The following COL4A3 variants were observed in gnomAD, a reference collection of about 807,000 sequenced individuals.
The protein encoded by COL4A3 is collagen alpha-3(IV) chain.
Under a neutral mutation model 217.4 loss-of-function variants are expected in COL4A3, and 135 were observed. That is an observed-to-expected ratio of 0.62 (90% CI 0.54 to 0.72). The LOEUF is 0.72. Ranked by LOEUF, COL4A3 falls within the 30% of genes least tolerant of loss-of-function variation. COL4A3 has a pLI of 0.00. For missense variants in COL4A3, 1,868 were observed against 2,119.9 expected, an observed-to-expected ratio of 0.88 and a Z score of 2.33; for synonymous variants, 690 against 736.3, an observed-to-expected ratio of 0.94 and a Z score of 1.02.
chr2:227,172,507 C>CCTT (rs112442217), intron 1 of COL4A3, among the ~76,000 whole-genome samples: 7,349 of 151,002 alleles, frequency 0.049, 221 homozygotes, highest in Admixed American at 0.085. Flanking sequence ...TTCTCCTTCT[C>CCTT]CTTCTTCTTC....
chr2:227,224,988 T>C (rs894535005), intron 1 of COL4A3, among the ~76,000 whole-genome samples: 3 of 152,182 alleles, frequency 2.0e-5, no homozygotes, highest in African/African-American at 4.8e-5. Flanking sequence ...TACAGCTCAC[T>C]GTGGCCTCAA....
rs2069424494 is a variant in COL4A3, at chr2:227,247,538, A to T, written c.442-20A>T. 1 of 1,613,606 alleles carries T rather than the reference A, an allele frequency of 6.2e-7. No individual in the cohort carries two copies. Among genetic ancestry groups the T allele is most frequent in the South Asian group, 1.1e-5 (1 of 91,082 alleles). ...GCGTTTGATATTCCTCTAGTTGTTC[A>T]TAGGTTGCTTTTTTCCTAGGGTGCT... On this transcript the variant is annotated intron_variant, in intron 7 of 51. Transcript: ENST00000396578.
chr2:227,304,926 G>T, intron 46 of COL4A3, 59 bp from the exon 47 acceptor site: 1 of 1,391,792 alleles, frequency 7.2e-7, no homozygotes, highest in South Asian at 1.2e-5. Context: ...CGGGATGGTT[G>T]GCCACCTTAC....
chr2:227,169,119 C>A (rs2065385586), intron 1 of COL4A3: 1 of 150,510 alleles, frequency 6.6e-6, no homozygotes, highest in African/African-American at 2.5e-5. Context: ...CAGTTCCCAC[C>A]TATGAGTGAG....
chr2:227,241,233 G>A (rs2069000430), intron 3 of COL4A3, among the ~76,000 whole-genome samples: 1 of 152,148 alleles, frequency 6.6e-6, no homozygotes, highest in Admixed American at 6.5e-5. Flanking sequence ...GTGGACATTA[G>A]CTAGACTTAA....
chr2:227,302,110 C>T (rs1484604530), intron 43 of COL4A3: 1 of 152,260 alleles, frequency 6.6e-6, no homozygotes, highest in Non-Finnish European at 1.5e-5. Context: ...TATGGCTTTG[C>T]TTGAGCATCT....
intron 8 of COL4A3, among the ~76,000 whole-genome samples, 163 bp downstream of exon 8, chr2:227,247,747 A>G (rs2069437786): frequency 6.6e-6 from 1 of 152,152 alleles, no homozygotes; most frequent in South Asian, 2.1e-4. Context: ...TATTCCTATT[A>G]AATAGCTCCT....
intron 46 of COL4A3, chr2:227,304,396 T>C: frequency 4.1e-6 from 2 of 482,674 alleles, no homozygotes; most frequent in South Asian, 2.2e-5. Flanking sequence ...TTTTTTATTA[T>C]TTTTTATTAA....
intron 1 of COL4A3, among the ~76,000 whole-genome samples, chr2:227,217,455 A>T (rs1181262629): frequency 6.6e-6 from 1 of 152,206 alleles, no homozygotes; most frequent in Non-Finnish European, 1.5e-5. Flanking sequence ...TAACAAAGAC[A>T]TATTTTAGCC....
intron 1 of COL4A3, among the ~76,000 whole-genome samples, chr2:227,202,485 C>G (rs903477222): frequency 2.6e-5 from 4 of 151,898 alleles, no homozygotes; most frequent in Non-Finnish European, 4.4e-5. Flanking sequence ...TGGCTCTCTC[C>G]TGTAATCCCA....
At chr2:227,194,757 A>G (rs1437279230) in intron 1 of COL4A3, among the ~76,000 whole-genome samples, 1 of 152,248 alleles carries the variant, frequency 6.6e-6, no homozygotes, top group African/African-American at 2.4e-5. Context: ...AATGCTGTAA[A>G]TTCATAAATA....
At chr2:227,280,029 T>A (rs1574775080) in intron 29 of COL4A3, 139 bp downstream of exon 29, 1 of 640,202 alleles carries the variant, frequency 1.6e-6, no homozygotes, top group Non-Finnish European at 2.7e-6. Context: ...TTAAATTTTT[T>A]AAATGTTTCT....
intron 19 of COL4A3, 94 bp from the exon 20 acceptor site, chr2:227,260,988 T>C: frequency 1.0e-6 from 1 of 984,394 alleles, no homozygotes; most frequent in South Asian, 1.3e-5. Flanking sequence ...CTCTGTATTA[T>C]TAACTATCAG....
chr2:227,306,655 G>T (rs1553765894), intron 47 of COL4A3, among the ~76,000 whole-genome samples: 1 of 151,978 alleles, frequency 6.6e-6, no homozygotes, highest in Non-Finnish European at 1.5e-5. Context: ...AGAGAAAATT[G>T]AAAAAATGCA....
At chr2:227,268,432 C>T (rs551248384) in intron 23 of COL4A3, 2 of 152,408 alleles carry the variant, frequency 1.3e-5, no homozygotes, top group South Asian at 4.1e-4. Flanking sequence ...ATCCAAAGGT[C>T]TACCTGACAA....
chr2:227,256,123 T>C (rs1004874219), intron 16 of COL4A3, 53 bp downstream of exon 16: 2 of 1,530,774 alleles, frequency 1.3e-6, no homozygotes, highest in Non-Finnish European at 1.8e-6. Flanking sequence ...TCCTACTAGC[T>C]GAAGAAGGAT....
chr2:227,195,388 C>T (rs2066426245), intron 1 of COL4A3, among the ~76,000 whole-genome samples: 1 of 152,004 alleles, frequency 6.6e-6, no homozygotes, highest in Non-Finnish European at 1.5e-5. Context: ...AGACACACCC[C>T]ACATGTACAA....
intron 11 of COL4A3, among the ~76,000 whole-genome samples, chr2:227,252,957 G>A (rs937947490): frequency 6.6e-6 from 1 of 152,086 alleles, no homozygotes; most frequent in South Asian, 2.1e-4. Context: ...AAGAAAACAA[G>A]AGCATCAGGA....
At chr2:227,173,485 G>A (rs1465337109) in intron 1 of COL4A3, among the ~76,000 whole-genome samples, 2 of 152,092 alleles carry the variant, frequency 1.3e-5, no homozygotes, top group African/African-American at 4.8e-5. Context: ...TCATGTAAAT[G>A]CTAATTAGGG....
Sources: gnomAD v4.1 joint callset for allele counts (sites outside exome capture counted in the v4.1 genomes callset) on GRCh38, gnomAD v4.1.1 for gene constraint, MANE v1.5 for transcripts, NCBI Gene and HGNC (gene_info 2026-07-23, HGNC 2026-07-21) for gene names.